RABGAP1L: variants seen among roughly 807,000 people sequenced by gnomAD.
The protein encoded by RABGAP1L is RAB GTPase activating protein 1 like, also known as rab GTPase-activating protein 1-like.
Under a neutral mutation model 137.7 loss-of-function variants are expected in RABGAP1L, and 63 were observed. The observed-to-expected ratio is 0.46, with a 90% confidence interval of 0.37 to 0.56. RABGAP1L has a LOEUF of 0.56. Among genes scored for constraint, RABGAP1L ranks in the 20% least tolerant of loss-of-function variants. The pLI, the probability that RABGAP1L is intolerant of heterozygous loss-of-function variation, is 0.00. For synonymous variants in RABGAP1L, 431 were observed against 433.7 expected (o/e 0.99, Z 0.08); for missense variants, 1,095 against 1,244.0 (o/e 0.88, Z 1.80).
intron 13 of RABGAP1L, among the ~76,000 whole-genome samples, chr1:174,597,287 G>T (rs566608829): frequency 1.6e-4 from 25 of 152,240 alleles, no homozygotes; most frequent in Non-Finnish European, 1.9e-4. Context: ...GTTTGAATAG[G>T]ATTGATATTA....
At chr1:174,781,079 A>G (rs1686965949) in intron 18 of RABGAP1L, among the ~76,000 whole-genome samples, 1 of 152,198 alleles carries the variant, frequency 6.6e-6, no homozygotes, top group South Asian at 2.1e-4. Context: ...CTTTGGGTAT[A>G]TACCCAGTAA....
intron 17 of RABGAP1L, chr1:174,705,126 A>G (rs1270577655): frequency 6.6e-6 from 1 of 152,090 alleles, no homozygotes; most frequent in Non-Finnish European, 1.5e-5. Flanking sequence ...TATAGTGTTC[A>G]TTGTAGAAAA....
intron 13 of RABGAP1L, among the ~76,000 whole-genome samples, chr1:174,560,108 T>C (rs1224377588): frequency 6.6e-6 from 1 of 151,030 alleles, no homozygotes; most frequent in Non-Finnish European, 1.5e-5. Context: ...CACTCTAGCC[T>C]GGGCAACAGG....
At chr1:174,455,122 A>G (rs1004974364) in intron 13 of RABGAP1L, among the ~76,000 whole-genome samples, 3 of 152,338 alleles carry the variant, frequency 2.0e-5, no homozygotes. Context: ...ATTTAACATG[A>G]AAGGCACATA....
At chr1:174,764,711 A>T (rs895946848) in intron 18 of RABGAP1L, among the ~76,000 whole-genome samples, 2 of 152,088 alleles carry the variant, frequency 1.3e-5, no homozygotes, top group African/African-American at 4.8e-5. Flanking sequence ...CCTAGACTCA[A>T]TCCTTCTGCC....
chr1:174,610,033 T>A (rs1035344012), intron 13 of RABGAP1L, among the ~76,000 whole-genome samples: 1 of 103,168 alleles, frequency 9.7e-6, no homozygotes, highest in East Asian at 9.0e-4. Flanking sequence ...TTGGTATGCG[T>A]TTTTTTTTTC....
intron 13 of RABGAP1L, among the ~76,000 whole-genome samples, chr1:174,471,853 A>G (rs896738966): frequency 2.6e-5 from 4 of 152,154 alleles, no homozygotes; most frequent in South Asian, 2.1e-4. Context: ...CAATATGACT[A>G]TATTTGAAAA....
rs1043706896 is a variant in RABGAP1L, at chr1:174,747,469, A to G, written c.2170-4844A>G. Among the ~76,000 whole-genome samples the G allele has an allele frequency of 4.0e-5, 6 of 151,766 alleles. No individual in the cohort carries two copies. The East Asian group carries it at 9.6e-4, about 24-fold the overall frequency. On this transcript the variant is annotated intron_variant, in intron 17 of 25. Coordinates refer to ENST00000681986, the MANE Select transcript of RABGAP1L (RefSeq NM_001366446.1). ...TTCTTTTCTGAATTCCATCAACTCA[A>G]ATGTCTTAAAGTGTATTTGTTTGCA...
At chr1:174,711,746 G>A (rs558464837) in intron 17 of RABGAP1L, among the ~76,000 whole-genome samples, 2 of 152,222 alleles carry the variant, frequency 1.3e-5, no homozygotes, top group South Asian at 2.1e-4. Context: ...CCCCTACTCC[G>A]GGGGCCTGGT....
chr1:174,266,134 C>G (rs1674050183), intron 7 of RABGAP1L, among the ~76,000 whole-genome samples: 1 of 152,112 alleles, frequency 6.6e-6, no homozygotes, highest in Non-Finnish European at 1.5e-5. Context: ...GGGTTTGAAT[C>G]TTGGCTTTAC....
At chr1:174,680,536 A>G (rs1027926982) in intron 14 of RABGAP1L, among the ~76,000 whole-genome samples, 1 of 152,210 alleles carries the variant, frequency 6.6e-6, no homozygotes, top group African/African-American at 2.4e-5. Context: ...AGCATCCAGA[A>G]TGGACTCAGA....
chr1:174,222,134 C>T (rs1669803341), intron 3 of RABGAP1L, among the ~76,000 whole-genome samples: 1 of 151,990 alleles, frequency 6.6e-6, no homozygotes, highest in Non-Finnish European at 1.5e-5. Flanking sequence ...CCATCCCTGG[C>T]CTGTTTTACG....
intron 1 of RABGAP1L, among the ~76,000 whole-genome samples, chr1:174,195,722 T>TCTC (rs1667591152): frequency 2.5e-5 from 2 of 80,030 alleles, no homozygotes; most frequent in African/African-American, 1.0e-4. Flanking sequence ...CTTTTCTTTC[T>TCTC]TTTCTTTCTT....
intron 13 of RABGAP1L, among the ~76,000 whole-genome samples, chr1:174,543,729 G>T (rs1242029642): frequency 6.6e-6 from 1 of 152,158 alleles, no homozygotes; most frequent in Non-Finnish European, 1.5e-5. Context: ...GCAGTGGCTG[G>T]TACCAGTTGT....
intron 1 of RABGAP1L, among the ~76,000 whole-genome samples, chr1:174,202,426 G>T (rs546779470): frequency 1.3e-3 from 204 of 152,288 alleles, no homozygotes; most frequent in African/African-American, 4.6e-3. Context: ...TTTTAATGTG[G>T]TTTTTGGCTG....
intron 13 of RABGAP1L, among the ~76,000 whole-genome samples, chr1:174,539,023 C>T (rs1665129586): frequency 1.3e-5 from 2 of 152,056 alleles, no homozygotes; most frequent in Admixed American, 6.6e-5. Flanking sequence ...TGCCCGGGGT[C>T]ACACAAAAGA....
At chr1:174,452,580 G>C (rs936476111) in intron 13 of RABGAP1L, among the ~76,000 whole-genome samples, 20 of 135,344 alleles carry the variant, frequency 1.5e-4, no homozygotes, top group Admixed American at 1.4e-3. Context: ...TGTTTGTTTT[G>C]AAGTGGAGTC....
At chr1:174,275,978 T>G (rs1235216718) in intron 9 of RABGAP1L, 43 bp downstream of exon 9, 4 of 1,504,516 alleles carry the variant, frequency 2.7e-6, no homozygotes, top group Non-Finnish European at 3.7e-6. Context: ...CTTTACATTT[T>G]ATATTATGAA....
chr1:174,786,444 A>G (rs1340289193), intron 18 of RABGAP1L, among the ~76,000 whole-genome samples: 3 of 152,202 alleles, frequency 2.0e-5, no homozygotes, highest in Non-Finnish European at 2.9e-5. Flanking sequence ...TATATTGTAC[A>G]CAGTAAAATC....
Sources: gnomAD v4.1 joint callset for allele counts (sites outside exome capture counted in the v4.1 genomes callset) on GRCh38, gnomAD v4.1.1 for gene constraint, MANE v1.5 for transcripts, NCBI Gene and HGNC (gene_info 2026-07-23, HGNC 2026-07-21) for gene names.